Variants in TFPI2 observed in about 807,000 individuals in gnomAD.
The protein encoded by TFPI2 is placental protein 5.
In TFPI2, 23 loss-of-function variants were observed where a neutral mutation model predicts 23.1. The observed-to-expected ratio is 1.00, with a 90% CI of 0.72 to 1.41. TFPI2 has a LOEUF of 1.41. Ranked by LOEUF, TFPI2 falls within the 40% of genes most tolerant of loss-of-function variation. The probability of loss-of-function intolerance (pLI) is 0.00; values close to 1 mark genes in which losing one functional copy is unlikely to be tolerated. For missense variants in TFPI2, 291 were observed against 299.6 expected, an observed-to-expected ratio of 0.97 and a Z score of 0.21; for synonymous variants, 119 against 111.7, an observed-to-expected ratio of 1.07 and a Z score of -0.41.
At chr7:93,888,952 T>A in intron 3 of TFPI2, 83 bp downstream of exon 3, 1 of 1,272,130 alleles carries the variant, frequency 7.9e-7, no homozygotes, top group Non-Finnish European at 1.1e-6. Context: ...ATGCACATGT[T>A]AATTTCGCAT....
Position 93,889,223 on chromosome 7 carries a change from T to C in TFPI2, c.272A>G (p.Lys91Arg). The C allele has an allele frequency of 6.3e-7, 1 of 1,578,044 alleles. No individual in the cohort carries two copies. The highest frequency in any genetic ancestry group is 1.2e-5 in the South Asian group (1 of 84,908). ...TTGCAGCCGGCAAACTTTGGGAACTTCTAGGAAAAGGAGGGTAATAGAACA... is the reference window on the plus strand; with the variant it reads ...TTGCAGCCGGCAAACTTTGGGAACTCCTAGGAAAAGGAGGGTAATAGAACA... ...ACDDACWRIE[K>R]VPKVCRLQVS... Residue 91 changes from lysine (K) to arginine (R), a missense_variant and splice_region_variant, in exon 3 of 5, where the codon AAA (lysine) becomes AGA (arginine). Transcript: ENST00000222543.
At position 93,888,567 on chromosome 7, in the gene TFPI2, AGGAAGGAAGGAAGGAAGGAAAG is replaced by A. The variant is rs1449407313; in HGVS notation, c.460+446_460+467del. On this transcript the variant is annotated intron_variant, in intron 3 of 4. Coordinates refer to ENST00000222543, the MANE Select transcript of TFPI2 (RefSeq NM_006528.4). ...AAAGAAGGAAGGAAGGAAGGAAGGA[AGGAAGGAAGGAAGGAAGGAAAG>A]AGAAAGAAAGAAAGAAAGAGAAAAA... Among the ~76,000 whole-genome samples, 8 of 113,558 alleles carry A rather than the reference AGGAAGGAAGGAAGGAAGGAAAG, an allele frequency of 7.0e-5. No homozygotes were observed. In the East Asian group the frequency reaches 1.9e-3, roughly 28 times the overall value. The allele number at this position is 113,558 out of a possible 152,430, so 74.5% of individuals were successfully genotyped here.
chr7:93,889,255 G>A (rs1421018406), intron 2 of TFPI2, 32 bp from the exon 3 acceptor site: 14 of 1,522,170 alleles, frequency 9.2e-6, no homozygotes, highest in Non-Finnish European at 1.1e-5. Context: ...AACAATGTTA[G>A]TCAAAAGTAG....
chr7:93,889,910 C>T (rs1249955877), intron 2 of TFPI2: 2 of 447,618 alleles, frequency 4.5e-6, no homozygotes, highest in East Asian at 7.3e-5. Context: ...CCTGAGTCCG[C>T]ACAGGCACTG....
At chr7:93,890,114 C>G (rs1389921260) in intron 2 of TFPI2, 23 bp downstream of exon 2, 19 of 1,566,014 alleles carry the variant, frequency 1.2e-5, no homozygotes, top group Non-Finnish European at 1.7e-5. Flanking sequence ...CGCGAGAGTC[C>G]TGGGTGCGCG....
chr7:93,888,556 G>A (rs191183147), intron 3 of TFPI2, among the ~76,000 whole-genome samples: 43 of 98,738 alleles, frequency 4.4e-4, no homozygotes, highest in South Asian at 1.4e-3. Flanking sequence ...AAGGAAGGAA[G>A]GAAGGAAGGA....
chr7:93,887,217 T>C, intron 4 of TFPI2, 44 bp downstream of exon 4: 6 of 1,536,122 alleles, frequency 3.9e-6, no homozygotes, highest in Non-Finnish European at 5.3e-6. Context: ...TGATAAGTTA[T>C]TTATAAAGTT....
intron 2 of TFPI2, 128 bp from the exon 3 acceptor site, chr7:93,889,351 G>A (rs1410106850): frequency 1.3e-6 from 1 of 795,202 alleles, no homozygotes; most frequent in Non-Finnish European, 1.9e-6. Context: ...TAAATACCCA[G>A]AATACTCCCA....
chr7:93,886,740 A>C lies in TFPI2; in HGVS notation c.*80T>G. 1.1e-6 allele frequency: 1 copy of C among 908,410 alleles called. No individual in the cohort carries two copies. The highest frequency in any genetic ancestry group is 1.6e-6 in the Non-Finnish European group (1 of 607,716). The allele number at this position is 908,410 out of a possible 1,614,324, so 56.3% of individuals were successfully genotyped here. ...TAAATCACCAATGATTTGTTTCCTCATGCTGTCATATTATTCTTCAGATAC... is the reference window on the plus strand; with the variant it reads ...TAAATCACCAATGATTTGTTTCCTCCTGCTGTCATATTATTCTTCAGATAC... On this transcript the variant is annotated 3_prime_UTR_variant, in exon 5 of 5. Coordinates refer to ENST00000222543, the MANE Select transcript of TFPI2 (RefSeq NM_006528.4).
intron 2 of TFPI2, chr7:93,889,890 C>A: frequency 2.5e-6 from 1 of 402,304 alleles, no homozygotes; most frequent in Admixed American, 4.3e-5. Context: ...GGTGAGGGAA[C>A]AAATCTTTCC....
rs910818297 is a variant in TFPI2, at chr7:93,885,813, A to G, written c.*1007T>C. 31 of 152,082 alleles carry G rather than the reference A, an allele frequency of 2.0e-4. No homozygotes were observed. Among genetic ancestry groups the G allele is most frequent in the African/African-American group, 7.5e-4 (31 of 41,452 alleles). 9.4% of individuals were successfully genotyped at this position (152,082 alleles called of 1,614,324 possible). A position where few individuals can be genotyped will look rare whatever the true frequency, so the allele number is the denominator to read the frequency against. ...TAAATTTTTAAATGAAAGATTGTTC[A>G]AGCAAAAGGTAAACGCATTTGTCAT... On this transcript the variant is annotated 3_prime_UTR_variant, in exon 5 of 5. Transcript: ENST00000222543.
rs75334193 is a variant in TFPI2 at position 93,889,664 on chromosome 7, T to C, written c.272-441A>G. On this transcript the variant is annotated intron_variant, in intron 2 of 4. Transcript: ENST00000222543. ...TGTCCCGCAACTAATCCAACACATG[T>C]TTGGGTATCGGGACAAAAGTAGAGT... 7.7e-4 allele frequency among the ~76,000 whole-genome samples: 118 copies of C among 152,274 alleles called. No homozygotes were observed. In the East Asian group the frequency reaches 0.019, roughly 25 times the overall value.
rs749052138 is a variant in TFPI2 at position 93,886,526 on chromosome 7, C to A, written c.*294G>T. 1.7e-4 allele frequency: 42 copies of A among 243,814 alleles called. No individual in the cohort carries two copies. Among genetic ancestry groups the A allele is most frequent in the Non-Finnish European group, 2.4e-4 (31 of 129,022 alleles). 15.1% of individuals were successfully genotyped at this position (243,814 alleles called of 1,614,324 possible). A position where few individuals can be genotyped will look rare whatever the true frequency, so the allele number is the denominator to read the frequency against. On this transcript the variant is annotated 3_prime_UTR_variant, in exon 5 of 5. Coordinates refer to ENST00000222543, the MANE Select transcript of TFPI2 (RefSeq NM_006528.4). ...TTCAGTTATGATCCTCTTCTGAAAT[C>A]AGGAATACGACCCCAAGAAATGAGT... is the stretch of plus-strand genomic sequence containing the variant.
intron 2 of TFPI2, 178 bp downstream of exon 2, chr7:93,889,959 T>G: frequency 3.4e-6 from 2 of 586,486 alleles, no homozygotes; most frequent in South Asian, 2.6e-5. Flanking sequence ...GGAAATGTGT[T>G]AGTGGTTGTA....
At position 93,890,158 on chromosome 7, in the gene TFPI2, C is replaced by T. The variant is rs776014241; in HGVS notation, c.250G>A (p.Asp84Asn). ...NNFYTWEACD[D>N]ACWRIEKVPK... ...TTACTTTCTATCCTCCAGCAAGCAT[C>T]GTCGCAAGCCTCCCAGGTGTAGAAA... is the stretch of plus-strand genomic sequence containing the variant. The change falls in exon 2 of 5, where the codon GAT (aspartate) becomes AAT (asparagine). Residue 84 changes from aspartate to asparagine, a missense_variant. Asp to Asn is a conservative substitution (Grantham distance 23, BLOSUM62 1). Coordinates refer to ENST00000222543, the MANE Select transcript of TFPI2 (RefSeq NM_006528.4). 6.2e-7 allele frequency: 1 copy of T among 1,608,682 alleles called. No homozygotes were observed. Among genetic ancestry groups the T allele is most frequent in the Admixed American group, 1.7e-5 (1 of 59,796 alleles).
chr7:93,887,695 A>T (rs1794021746), intron 3 of TFPI2, among the ~76,000 whole-genome samples: 1 of 152,200 alleles, frequency 6.6e-6, no homozygotes, highest in South Asian at 2.1e-4. Flanking sequence ...AAAGAAGTTA[A>T]ACCCAAATAC....
intron 3 of TFPI2, among the ~76,000 whole-genome samples, chr7:93,888,557 G>A (rs1794047134): frequency 9.2e-6 from 1 of 108,878 alleles, no homozygotes; most frequent in Non-Finnish European, 1.7e-5. Context: ...AGGAAGGAAG[G>A]AAGGAAGGAA....
chr7:93,890,710 G>A lies in TFPI2; in HGVS notation c.-32C>T. 1.3e-6 allele frequency: 2 copies of A among 1,590,274 alleles called. No individual in the cohort carries two copies. The highest frequency in any genetic ancestry group is 1.7e-6 in the Non-Finnish European group (2 of 1,167,936). On this transcript the variant is annotated 5_prime_UTR_variant, in exon 1 of 5. Transcript: ENST00000222543. Reference sequence around the variant, plus strand: ...GGGGGTCGGGCGGCCCGCTGGGCAAGGCGTCCGAGAAAGCGCCTGGCGGGA... The same window carrying A: ...GGGGGTCGGGCGGCCCGCTGGGCAAAGCGTCCGAGAAAGCGCCTGGCGGGA...
chr7:93,889,660 CATGTTTGGGT>C (rs1038308742), intron 2 of TFPI2, among the ~76,000 whole-genome samples: 1 of 152,170 alleles, frequency 6.6e-6, no homozygotes, highest in Non-Finnish European at 1.5e-5. Flanking sequence ...TAATCCAACA[CATGTTTGGGT>C]ATCGGGACAA....
Sources: gnomAD v4.1 joint callset for allele counts (sites outside exome capture counted in the v4.1 genomes callset) on GRCh38, gnomAD v4.1.1 for gene constraint, MANE v1.5 for transcripts, NCBI Gene and HGNC (gene_info 2026-07-23, HGNC 2026-07-21) for gene names.